WDR44: variants seen among roughly 807,000 people sequenced by gnomAD.
The protein encoded by WDR44 is WD repeat-containing protein 44.
Under a neutral mutation model 65.7 loss-of-function variants are expected in WDR44, and 9 were observed. The ratio of observed to expected loss-of-function variants is 0.14; its 90% CI spans 0.08 to 0.24. The LOEUF (loss-of-function observed/expected upper bound fraction) is 0.24. Among genes scored for constraint, WDR44 ranks in the 10% least tolerant of loss-of-function variants. The pLI, the probability that WDR44 is intolerant of heterozygous loss-of-function variation, is 1.00. For synonymous variants in WDR44, 220 were observed against 235.2 expected (o/e 0.94, Z 0.59); for missense variants, 425 against 670.9 (o/e 0.63, Z 4.05).
intron 12 of WDR44, among the ~76,000 whole-genome samples, chrX:118,427,683 CTTT>C (rs1226853723): frequency 1.1e-5 from 1 of 91,709 alleles, no homozygotes; most frequent in Non-Finnish European, 2.2e-5. Context: ...GGGCAGGAAT[CTTT>C]TTTTTTTTTT....
At chrX:118,352,353 T>TATATATATATATATATATA (rs1491172810) in intron 1 of WDR44, among the ~76,000 whole-genome samples, 3 of 15,788 alleles carry the variant, frequency 1.9e-4, no homozygotes, top group African/African-American at 5.0e-4. Context: ...TATATATATA[T>TATATATATATATATATATA]TTTTTTTTTT....
chrX:118,347,877 C>T (rs1264107163), intron 1 of WDR44, among the ~76,000 whole-genome samples: 1 of 112,223 alleles, frequency 8.9e-6, no homozygotes, highest in Non-Finnish European at 1.9e-5. Context: ...CCTTCAAGTT[C>T]AATATCTGAG....
chrX:118,410,763 G>T lies in WDR44; in HGVS notation c.1673-132G>T, dbSNP rs2147721467. On this transcript the variant is annotated intron_variant, in intron 11 of 19. Transcript: ENST00000254029. ...GCTCCTATAGGGTTATGCCTCAATT[G>T]TTAGTATTTTTCTAGAATACTGTAT... 5.6e-6 allele frequency: 3 copies of T among 531,668 alleles called. No homozygotes were observed. In the East Asian group the frequency reaches 1.2e-4, roughly 22 times the overall value. 43.8% of individuals were successfully genotyped at this position (531,668 alleles called of 1,213,427 possible). A position where few individuals can be genotyped will look rare whatever the true frequency, so the allele number is the denominator to read the frequency against.
intron 1 of WDR44, among the ~76,000 whole-genome samples, chrX:118,353,607 T>C (rs2056433719): frequency 8.9e-6 from 1 of 112,402 alleles, no homozygotes; most frequent in South Asian, 3.6e-4. Flanking sequence ...AAAACATGTT[T>C]AGGCAGCAAT....
rs776274548 is a variant in WDR44 at position 118,393,186 on chromosome X, C to T, written c.741C>T (p.Pro247=). The T allele has an allele frequency of 3.6e-5, 43 of 1,209,260 alleles. No homozygotes were observed. Among genetic ancestry groups the T allele is most frequent in the Non-Finnish European group, 4.6e-5 (41 of 895,001 alleles). ...CAACTAATTTCCCACCTCCTAGACCCCCACCTCCTTCTCGACCTGCTCCAC... is the reference window on the plus strand; with the variant it reads ...CAACTAATTTCCCACCTCCTAGACCTCCACCTCCTTCTCGACCTGCTCCAC... ...PPPTNFPPPR[P]PPPSRPAPPP... is the part of the protein sequence containing the mutation. The change falls in exon 4 of 20, where the codon CCC becomes CCT. Residue 247 remains proline (P), a synonymous_variant. Coordinates refer to ENST00000254029, the MANE Select transcript of WDR44 (RefSeq NM_019045.5).
At chrX:118,414,294 GT>G (rs1170499531) in intron 12 of WDR44, among the ~76,000 whole-genome samples, 3 of 76,949 alleles carry the variant, frequency 3.9e-5, no homozygotes, top group East Asian at 4.0e-4. Flanking sequence ...ATGGTTTTGT[GT>G]TTTTTTTTTT....
chrX:118,423,604 C>A (rs2057123670), intron 12 of WDR44, among the ~76,000 whole-genome samples: 1 of 112,051 alleles, frequency 8.9e-6, no homozygotes. Flanking sequence ...TGTGCCATAA[C>A]CCAAGCATCA....
chrX:118,446,869 T>C (rs5957005), intron 19 of WDR44, among the ~76,000 whole-genome samples: 28,505 of 108,208 alleles, frequency 0.26, 3,167 homozygotes, highest in African/African-American at 0.39. Flanking sequence ...TTTTAACTTA[T>C]GAATGAATGA....
intron 19 of WDR44, 130 bp downstream of exon 19, chrX:118,444,624 T>C (rs1157169744): frequency 1.9e-5 from 16 of 822,148 alleles, no homozygotes; most frequent in Middle Eastern, 4.8e-4. Flanking sequence ...AGACAGGGTC[T>C]TGCTCTGTCA....
At chrX:118,442,368 C>A in intron 16 of WDR44, 23 bp downstream of exon 16, 1 of 1,113,966 alleles carries the variant, frequency 9.0e-7, no homozygotes, top group Non-Finnish European at 1.2e-6. Flanking sequence ...TCAAAACCAT[C>A]TCTCTCCATA....
chrX:118,346,106 G>T lies in WDR44; in HGVS notation c.-398G>T. ...AATCTCGCGAGGGTAGGTGCGCGTC[G>T]GTATTTTGCGGGCAACTAGCTCTTC... On this transcript the variant is annotated 5_prime_UTR_variant, in exon 1 of 20. Coordinates refer to ENST00000254029, the MANE Select transcript of WDR44 (RefSeq NM_019045.5). 1 of 300,185 alleles carries T rather than the reference G, an allele frequency of 3.3e-6. No individual in the cohort carries two copies. The highest frequency in any genetic ancestry group is 5.8e-6 in the Non-Finnish European group (1 of 171,670). 24.7% of individuals were successfully genotyped at this position (300,185 alleles called of 1,213,427 possible).
At chrX:118,369,685 G>A (rs2056596057) in intron 1 of WDR44, among the ~76,000 whole-genome samples, 1 of 109,118 alleles carries the variant, frequency 9.2e-6, no homozygotes, top group Non-Finnish European at 1.9e-5. Context: ...AGCCAGGATG[G>A]TCTCAATCTC....
intron 19 of WDR44, among the ~76,000 whole-genome samples, chrX:118,445,937 G>A (rs1049982602): frequency 2.7e-5 from 3 of 109,262 alleles, no homozygotes; most frequent in African/African-American, 1.0e-4. Context: ...GGCTGAGGCT[G>A]GAGAATCGCT....
chrX:118,440,997 G>T (rs2057301402), intron 14 of WDR44, among the ~76,000 whole-genome samples: 1 of 75,087 alleles, frequency 1.3e-5, no homozygotes, highest in African/African-American at 5.6e-5. Context: ...GTCTCACTCT[G>T]TTGCCAGGCT....
intron 12 of WDR44, among the ~76,000 whole-genome samples, chrX:118,425,774 T>C (rs1362203398): frequency 9.0e-6 from 1 of 111,286 alleles, no homozygotes; most frequent in Non-Finnish European, 1.9e-5. Flanking sequence ...AATCCAACTT[T>C]ATAATATCTT....
chrX:118,376,183 C>T (rs1309561151), intron 1 of WDR44, among the ~76,000 whole-genome samples: 1 of 111,704 alleles, frequency 9.0e-6, no homozygotes, highest in Non-Finnish European at 1.9e-5. Context: ...AGCAATCCTC[C>T]CGCCTTGGCC....
intron 1 of WDR44, among the ~76,000 whole-genome samples, chrX:118,347,855 G>A (rs1161630495): frequency 2.7e-5 from 3 of 112,473 alleles, no homozygotes; most frequent in African/African-American, 9.7e-5. Flanking sequence ...ATCTTGAGAT[G>A]ACACCGAATC....
intron 12 of WDR44, among the ~76,000 whole-genome samples, chrX:118,429,480 T>C (rs1199399188): frequency 9.3e-6 from 1 of 107,592 alleles, no homozygotes; most frequent in African/African-American, 3.4e-5. Context: ...TCCCAGGTTC[T>C]CGGGAGGCTG....
At position 118,394,374 on chromosome X, in the gene WDR44, A is replaced by G. The variant is rs747291757; in HGVS notation, c.957+189A>G. Among the ~76,000 whole-genome samples the G allele has an allele frequency of 2.3e-3, 254 of 111,478 alleles. 2 individuals carry two copies. The highest frequency in any genetic ancestry group is 3.7e-3 in the Non-Finnish European group (195 of 53,100). The stretch of plus-strand genomic sequence containing the variant: ...GCCTAGCAAGCTGTTTAGCATCTGG[A>G]TCTCAGATGCCCCATCAATAAAATG... On this transcript the variant is annotated intron_variant, in intron 5 of 19. Coordinates refer to ENST00000254029, the MANE Select transcript of WDR44 (RefSeq NM_019045.5).
Sources: gnomAD v4.1 joint callset for allele counts (sites outside exome capture counted in the v4.1 genomes callset) on GRCh38, gnomAD v4.1.1 for gene constraint, MANE v1.5 for transcripts, NCBI Gene and HGNC (gene_info 2026-07-23, HGNC 2026-07-21) for gene names.